LRP6: variants seen among roughly 807,000 people sequenced by gnomAD.
LRP6 encodes LDL receptor related protein 6.
In LRP6, 43 loss-of-function variants were observed where a neutral mutation model predicts 184.1. The ratio of observed to expected loss-of-function variants is 0.23; its 90% CI spans 0.18 to 0.30. The LOEUF is 0.30. Ranked by LOEUF, LRP6 falls within the 10% of genes least tolerant of loss-of-function variation. LRP6 has a pLI of 1.00. For synonymous variants in LRP6, 719 were observed against 684.9 expected (o/e 1.05, Z -0.78); for missense variants, 1,571 against 2,005.3 (o/e 0.78, Z 4.14).
intron 2 of LRP6, among the ~76,000 whole-genome samples, chr12:12,214,957 T>C (rs1171974912): frequency 6.6e-6 from 1 of 152,218 alleles, no homozygotes; most frequent in Non-Finnish European, 1.5e-5. Context: ...ATTGCTTCCT[T>C]GGCCCGCCTT....
intron 2 of LRP6, among the ~76,000 whole-genome samples, chr12:12,208,891 A>C (rs371160861): frequency 2.6e-5 from 4 of 152,334 alleles, no homozygotes; most frequent in East Asian, 3.9e-4. Flanking sequence ...TTAATACACA[A>C]ATCAATTGAT....
chr12:12,202,617 G>A (rs905644654), intron 3 of LRP6, among the ~76,000 whole-genome samples: 2 of 152,216 alleles, frequency 1.3e-5, no homozygotes, highest in Non-Finnish European at 2.9e-5. Flanking sequence ...TACTATAGCT[G>A]CTTTTAAACT....
In LRP6 at chr12:12,203,489, G is replaced by A. The variant is rs7979800; in HGVS notation, c.450-89C>T. On this transcript the variant is annotated intron_variant, in intron 2 of 22. Transcript: ENST00000261349. Reference sequence around the variant, plus strand: ...ATTACTATTAAAGAAAGCTCAGGCCGCGCGCAGTGGCTCACACTTGTAATC... The same window carrying A: ...ATTACTATTAAAGAAAGCTCAGGCCACGCGCAGTGGCTCACACTTGTAATC... 2,731 of 1,045,660 alleles carry A rather than the reference G, an allele frequency of 2.6e-3. 8 individuals carry two copies. The highest frequency in any genetic ancestry group is 0.01 in the African/African-American group (642 of 63,206). The allele number at this position is 1,045,660 out of a possible 1,614,324, so 64.8% of individuals were successfully genotyped here.
At position 12,201,670 on chromosome 12, in the gene LRP6, G is replaced by A. The variant is rs567228881; in HGVS notation, c.647+1533C>T. ...TTTTTGGATTTGCTATCTAGTTTCT[G>A]TAGGTTTTAGTTAAAAACAAAAACA... On this transcript the variant is annotated intron_variant, in intron 3 of 22. Coordinates refer to ENST00000261349, the MANE Select transcript of LRP6 (RefSeq NM_002336.3). 1.2e-4 allele frequency among the ~76,000 whole-genome samples: 19 copies of A among 152,114 alleles called. 1 individual carries two copies. The South Asian group carries it at 1.7e-3, about 13-fold the overall frequency.
chr12:12,215,911 T>G (rs889137305), intron 2 of LRP6, among the ~76,000 whole-genome samples: 4 of 151,646 alleles, frequency 2.6e-5, no homozygotes. Context: ...ACTTGGGAAG[T>G]TGAAGCAGGA....
intron 19 of LRP6, among the ~76,000 whole-genome samples, chr12:12,130,011 A>G (rs1215464555): frequency 6.6e-6 from 1 of 152,022 alleles, no homozygotes; most frequent in Non-Finnish European, 1.5e-5. Flanking sequence ...GAACCAGGCT[A>G]TGTGTTTTTT....
At chr12:12,184,478 A>C (rs1429505073) in intron 4 of LRP6, among the ~76,000 whole-genome samples, 2 of 152,094 alleles carry the variant, frequency 1.3e-5, no homozygotes, top group Non-Finnish European at 2.9e-5. Flanking sequence ...TGGGAAAAAA[A>C]CCGCTGAGGT....
intron 1 of LRP6, 76 bp from the exon 2 acceptor site, chr12:12,244,731 G>C: frequency 7.1e-7 from 1 of 1,417,790 alleles, no homozygotes; most frequent in Middle Eastern, 1.9e-4. Context: ...GTTTCAAATC[G>C]GTTTAAGTGA....
Position 12,120,832 on chromosome 12 carries a change from A to T in LRP6, c.*294T>A. 1 of 224,600 alleles carries T rather than the reference A, an allele frequency of 4.5e-6. No individual in the cohort carries two copies. The highest frequency in any genetic ancestry group is 8.7e-6 in the Non-Finnish European group (1 of 115,122). The allele number at this position is 224,600 out of a possible 1,614,324, so 13.9% of individuals were successfully genotyped here. A position where few individuals can be genotyped will look rare whatever the true frequency, so the allele number is the denominator to read the frequency against. ...TGTTTCCTTTGTACTCAGTTGCTTC[A>T]CTGGGTTTAAGGCATGCTTTGTGTA... On this transcript the variant is annotated 3_prime_UTR_variant, in exon 23 of 23. Transcript: ENST00000261349.
intron 1 of LRP6, among the ~76,000 whole-genome samples, chr12:12,261,917 C>T (rs1865625728): frequency 6.6e-6 from 1 of 152,066 alleles, no homozygotes; most frequent in Non-Finnish European, 1.5e-5. Flanking sequence ...AAAAAAGTAA[C>T]GAAGAATTTT....
At chr12:12,150,744 T>C (rs1950070234) in intron 13 of LRP6, 92 bp downstream of exon 13, 20 of 1,355,378 alleles carry the variant, frequency 1.5e-5, no homozygotes, top group Non-Finnish European at 2.0e-5. Context: ...ACACACACAC[T>C]TAAGCAGAGT....
intron 22 of LRP6, among the ~76,000 whole-genome samples, chr12:12,123,860 AC>A (rs1404133958): frequency 6.6e-6 from 1 of 152,228 alleles, no homozygotes; most frequent in Non-Finnish European, 1.5e-5. Flanking sequence ...GGCTGAACTT[AC>A]ATTTCTCTCA....
rs4763788 is a variant in LRP6, at chr12:12,229,727, G to A, written c.449+14535C>T. On this transcript the variant is annotated intron_variant, in intron 2 of 22. Coordinates refer to ENST00000261349, the MANE Select transcript of LRP6 (RefSeq NM_002336.3). ...TTTAGTATGCTTTGGGAAACAGAAA[G>A]TGTGTGATAAATATCTCCCTTGGCT... Among the ~76,000 whole-genome samples the A allele has an allele frequency of 9.5e-3, 1,441 of 152,296 alleles. 47 individuals carry two copies. The highest frequency in any genetic ancestry group is 0.078 in the Admixed American group (1,192 of 15,296).
rs936237948 is a variant in LRP6 at position 12,119,530 on chromosome 12, CT to C, written c.*1595del. 1 of 152,166 alleles carries C rather than the reference CT, an allele frequency of 6.6e-6. No individual in the cohort carries two copies. Among genetic ancestry groups the C allele is most frequent in the African/African-American group, 2.4e-5 (1 of 41,438 alleles). The allele number at this position is 152,166 out of a possible 1,614,324, so 9.4% of individuals were successfully genotyped here. A position where few individuals can be genotyped will look rare whatever the true frequency, so the allele number is the denominator to read the frequency against. On this transcript the variant is annotated 3_prime_UTR_variant, in exon 23 of 23. Coordinates refer to ENST00000261349, the MANE Select transcript of LRP6 (RefSeq NM_002336.3). ...TCATTCCACAGGTCAGCCCTGATAG[CT>C]CAAGATGTAGCAGCCCCAGTACCAT...
chr12:12,265,279 C>G (rs906761417), intron 1 of LRP6, among the ~76,000 whole-genome samples: 6 of 152,300 alleles, frequency 3.9e-5, no homozygotes, highest in Middle Eastern at 6.8e-3. Context: ...CCACAAAAAT[C>G]TAATGAACAC....
At chr12:12,232,538 T>C (rs1591971542) in intron 2 of LRP6, among the ~76,000 whole-genome samples, 1 of 122,052 alleles carries the variant, frequency 8.2e-6, no homozygotes, top group Non-Finnish European at 1.7e-5. Flanking sequence ...CAAAACTATA[T>C]AAAACACTCG....
Position 12,155,565 on chromosome 12 carries a change from G to A in LRP6, c.2791+3264C>T, listed in dbSNP as rs979290600. On this transcript the variant is annotated intron_variant, in intron 12 of 22. Transcript: ENST00000261349. ...CAGCACGTTAAGCACGCTAAGAGCCGAGATAGCTTCCTAAAGGAAGCTATC... is the reference window on the plus strand; with the variant it reads ...CAGCACGTTAAGCACGCTAAGAGCCAAGATAGCTTCCTAAAGGAAGCTATC... 1.6e-5 allele frequency: 12 copies of A among 740,886 alleles called. No homozygotes were observed. In the Admixed American group the frequency reaches 1.7e-4, roughly 11 times the overall value. 45.9% of individuals were successfully genotyped at this position (740,886 alleles called of 1,614,324 possible).
intron 7 of LRP6, among the ~76,000 whole-genome samples, chr12:12,176,481 C>A (rs1033632420): frequency 6.6e-6 from 1 of 151,938 alleles, no homozygotes; most frequent in African/African-American, 2.4e-5. Flanking sequence ...ACGCTCAATC[C>A]CTCCTTCCCG....
At chr12:12,224,984 C>A (rs1018707096) in intron 2 of LRP6, among the ~76,000 whole-genome samples, 2 of 152,218 alleles carry the variant, frequency 1.3e-5, no homozygotes, top group Non-Finnish European at 2.9e-5. Context: ...GCAGGCGGAT[C>A]ACCTGAGGTC....
Sources: allele counts gnomAD v4.1 joint callset (sites outside exome capture counted in the v4.1 genomes callset), GRCh38; gene constraint gnomAD v4.1.1; transcripts MANE v1.5; gene names NCBI Gene and HGNC (gene_info 2026-07-23, HGNC 2026-07-21).